The following EPHA3 variants were observed in gnomAD, a reference collection of about 807,000 sequenced individuals.
The protein encoded by EPHA3 is ephrin type-A receptor 3.
Under a neutral mutation model 107.1 loss-of-function variants are expected in EPHA3, and 42 were observed. That is an observed-to-expected ratio of 0.39 (90% CI 0.31 to 0.51). The LOEUF is 0.51. EPHA3 is among the 20% of genes least tolerant of loss of function. EPHA3 has a pLI of 0.78. For missense variants in EPHA3, 1,183 were observed against 1,211.2 expected, an observed-to-expected ratio of 0.98 and a Z score of 0.35; for synonymous variants, 461 against 424.8, an observed-to-expected ratio of 1.09 and a Z score of -1.05.
intron 3 of EPHA3, among the ~76,000 whole-genome samples, chr3:89,271,296 G>T (rs1021654152): frequency 6.6e-6 from 1 of 151,968 alleles, no homozygotes; most frequent in Non-Finnish European, 1.5e-5. Context: ...GCTAGAAATG[G>T]CAATGTAAAG....
chr3:89,371,419 G>A lies in EPHA3; in HGVS notation c.1307-24418G>A, dbSNP rs1708298382. ...TATTGTGCAGGAATCTTTTCATTCT[G>A]GGTCCACTTCTATCAGGTAAACTGA... On this transcript the variant is annotated intron_variant, in intron 5 of 16. Transcript: ENST00000336596. Among the ~76,000 whole-genome samples the A allele has an allele frequency of 2.6e-5, 4 of 151,754 alleles. No individual in the cohort carries two copies. The South Asian group carries it at 8.3e-4, about 31-fold the overall frequency.
In EPHA3 at chr3:89,388,465, C is replaced by CTT. The variant is rs1205883061; in HGVS notation, c.1307-7370_1307-7369dup. ...TATTGCCTAAGGGACTCAGGAGAAA[C>CTT]TTTATGAGGGAATTATATTAGCAAA... On this transcript the variant is annotated intron_variant, in intron 5 of 16. Coordinates refer to ENST00000336596, the MANE Select transcript of EPHA3 (RefSeq NM_005233.6). Among the ~76,000 whole-genome samples, 5 of 152,074 alleles carry CTT rather than the reference C, an allele frequency of 3.3e-5. No homozygotes were observed. In the East Asian group the frequency reaches 9.7e-4, roughly 29 times the overall value.
chr3:89,472,960 T>C (rs187715761), intron 16 of EPHA3, among the ~76,000 whole-genome samples: 90 of 152,310 alleles, frequency 5.9e-4, no homozygotes, highest in Non-Finnish European at 6.0e-4. Flanking sequence ...TTGATGATTA[T>C]TATATTTCTG....
Position 89,470,460 on chromosome 3 carries a change from G to T in EPHA3, c.2691-2004G>T, listed in dbSNP as rs558530173. ...ATTATGAGCCAGCACTGTTCTAAGT[G>T]CTTCCCACATATGCTCATTTAATCT... On this transcript the variant is annotated intron_variant, in intron 15 of 16. Transcript: ENST00000336596. 7.2e-5 allele frequency among the ~76,000 whole-genome samples: 11 copies of T among 152,278 alleles called. No individual in the cohort carries two copies. In the South Asian group the frequency reaches 1.2e-3, roughly 17 times the overall value.
chr3:89,242,890 GCTATC>G (rs1278073217), intron 3 of EPHA3, among the ~76,000 whole-genome samples: 1 of 148,358 alleles, frequency 6.7e-6, no homozygotes, highest in Non-Finnish European at 1.5e-5. Flanking sequence ...ATCTCCTATT[GCTATC>G]CCTCCCCCCT....
At chr3:89,426,939 G>C (rs1709469053) in intron 11 of EPHA3, among the ~76,000 whole-genome samples, 1 of 151,770 alleles carries the variant, frequency 6.6e-6, no homozygotes, top group Non-Finnish European at 1.5e-5. Context: ...ACAGTCTCTA[G>C]GGAACTGATA....
chr3:89,297,773 G>T (rs546328252), intron 3 of EPHA3, among the ~76,000 whole-genome samples: 1 of 152,058 alleles, frequency 6.6e-6, no homozygotes, highest in Non-Finnish European at 1.5e-5. Context: ...GGTGGCTCAC[G>T]CCTGTAATCC....
chr3:89,255,924 A>AAATG (rs1705273582), intron 3 of EPHA3, among the ~76,000 whole-genome samples: 1 of 151,698 alleles, frequency 6.6e-6, no homozygotes, highest in South Asian at 2.1e-4. Flanking sequence ...ATAAATAAAT[A>AAATG]AATAAAAATA....
intron 10 of EPHA3, 101 bp downstream of exon 10, chr3:89,413,367 G>A: frequency 1.4e-6 from 2 of 1,444,796 alleles, no homozygotes; most frequent in Non-Finnish European, 1.9e-6. Context: ...GGAATTTTCT[G>A]ATTTCATGAT....
rs1167029597 is a variant in EPHA3 at position 89,359,762 on chromosome 3, T to C, written c.1306+17672T>C. Among the ~76,000 whole-genome samples, 857 of 141,304 alleles carry C rather than the reference T, an allele frequency of 6.1e-3. 8 individuals carry two copies. The highest frequency in any genetic ancestry group is 0.022 in the African/African-American group (811 of 37,398). The allele number at this position is 141,304 out of a possible 152,430, so 92.7% of individuals were successfully genotyped here. ...ACACATATATACACATATATACACA[T>C]ATATACACACATATATATACATATA... is the stretch of plus-strand genomic sequence containing the variant. On this transcript the variant is annotated intron_variant, in intron 5 of 16. Transcript: ENST00000336596.
At chr3:89,241,870 A>T (rs1488272392) in intron 3 of EPHA3, among the ~76,000 whole-genome samples, 1 of 152,172 alleles carries the variant, frequency 6.6e-6, no homozygotes, top group Admixed American at 6.5e-5. Flanking sequence ...GTTTTTTCCA[A>T]TGATAGTTTA....
intron 3 of EPHA3, among the ~76,000 whole-genome samples, chr3:89,333,087 A>G (rs1407062639): frequency 1.3e-5 from 2 of 152,180 alleles, no homozygotes; most frequent in African/African-American, 4.8e-5. Context: ...CATCAATTAC[A>G]ACTGTGACAA....
chr3:89,249,656 T>C (rs1319962564), intron 3 of EPHA3, among the ~76,000 whole-genome samples: 1 of 152,078 alleles, frequency 6.6e-6, no homozygotes, highest in Non-Finnish European at 1.5e-5. Flanking sequence ...AGACGAGGTT[T>C]CACCACATTG....
chr3:89,130,853 G>T (rs1193699351), intron 2 of EPHA3, among the ~76,000 whole-genome samples: 1 of 151,994 alleles, frequency 6.6e-6, no homozygotes, highest in Non-Finnish European at 1.5e-5. Context: ...AGCCAAGATG[G>T]ACTCGATCTC....
intron 3 of EPHA3, among the ~76,000 whole-genome samples, chr3:89,230,824 TCACACACACACACACA>T (rs61566796): frequency 7.2e-6 from 1 of 139,574 alleles, no homozygotes; most frequent in Non-Finnish European, 1.6e-5. Flanking sequence ...TCTCTCTCTC[TCACACACACACACACA>T]CACACACACA....
In EPHA3 at chr3:89,109,998, A is replaced by T. The variant is rs150629080; in HGVS notation, c.88+2162A>T. On this transcript the variant is annotated intron_variant, in intron 1 of 16. Transcript: ENST00000336596. ...TGGGCTCTCAGTTGAGTTGAATAAC[A>T]TGAAAAGTGAAAATGCCAAGTATGT... is the stretch of plus-strand genomic sequence containing the variant. Among the ~76,000 whole-genome samples, 118 of 152,136 alleles carry T rather than the reference A, an allele frequency of 7.8e-4. No homozygotes were observed. The East Asian group carries it at 0.014, about 18-fold the overall frequency.
intron 5 of EPHA3, among the ~76,000 whole-genome samples, chr3:89,356,103 G>C (rs570663745): frequency 6.7e-6 from 1 of 148,894 alleles, no homozygotes; most frequent in South Asian, 2.1e-4. Context: ...TTGTTCTTGC[G>C]ATAGTTTACT....
intron 3 of EPHA3, among the ~76,000 whole-genome samples, chr3:89,318,952 C>T (rs553859441): frequency 9.2e-5 from 14 of 151,976 alleles, no homozygotes; most frequent in African/African-American, 3.4e-4. Context: ...AGAATGATTG[C>T]TCAAATCCAC....
intron 5 of EPHA3, among the ~76,000 whole-genome samples, chr3:89,393,790 T>A (rs13069737): frequency 0.073 from 10,509 of 143,958 alleles, 393 homozygotes; most frequent in Middle Eastern, 0.14. Flanking sequence ...AATTTTTTTT[T>A]AAAAAATCCA....
Sources: allele counts gnomAD v4.1 joint callset (sites outside exome capture counted in the v4.1 genomes callset), GRCh38; gene constraint gnomAD v4.1.1; transcripts MANE v1.5; gene names NCBI Gene and HGNC (gene_info 2026-07-23, HGNC 2026-07-21).